SH3BP4: variants seen among roughly 807,000 people sequenced by gnomAD.
SH3BP4 encodes SH3 domain-binding protein 4.
A neutral mutation model predicts 65.5 loss-of-function variants in SH3BP4; 33 were observed. The ratio of observed to expected loss-of-function variants is 0.50; its 90% CI spans 0.38 to 0.67. The LOEUF (loss-of-function observed/expected upper bound fraction) is 0.67, where lower values mean the gene tolerates loss of function less well. Ranked by LOEUF, SH3BP4 falls within the 30% of genes least tolerant of loss-of-function variation. The probability of loss-of-function intolerance (pLI) is 0.00; values close to 1 mark genes in which losing one functional copy is unlikely to be tolerated. For missense variants in SH3BP4, 1,134 were observed against 1,261.4 expected (o/e 0.90, Z 1.53); for synonymous variants, 552 against 545.5 (o/e 1.01, Z -0.17).
Position 234,952,975 on chromosome 2 carries a change from C to T in SH3BP4, c.-207+805C>T, listed in dbSNP as rs1480861607. 1 of 152,110 alleles carries T rather than the reference C, an allele frequency of 6.6e-6. No individual in the cohort carries two copies. The highest frequency in any genetic ancestry group is 2.1e-4 in the South Asian group (1 of 4,826). 9.4% of individuals were successfully genotyped at this position (152,110 alleles called of 1,614,324 possible). A position where few individuals can be genotyped will look rare whatever the true frequency, so the allele number is the denominator to read the frequency against. ...GGGGTTGGGGACAGGCCCAGCTGGC[C>T]CTGACCGGGTGTCGGGCGCCCAGAG... On this transcript the variant is annotated intron_variant, in intron 1 of 5. Coordinates refer to ENST00000392011, the MANE Select transcript of SH3BP4 (RefSeq NM_014521.3). This position sits in a 1 kb window ranked among gnomAD's most constrained non-coding sequence, Gnocchi z 6.5.
chr2:235,024,628 A>T (rs1005601612), intron 2 of SH3BP4, among the ~76,000 whole-genome samples: 3 of 152,140 alleles, frequency 2.0e-5, no homozygotes, highest in Non-Finnish European at 4.4e-5. Context: ...AATAAAAGTG[A>T]GGCCTCAGTT....
intron 3 of SH3BP4, among the ~76,000 whole-genome samples, chr2:235,038,846 TA>T (rs1474315430): frequency 6.6e-6 from 1 of 152,044 alleles, no homozygotes; most frequent in Non-Finnish European, 1.5e-5. Flanking sequence ...TGTGGTGCTA[TA>T]TTTTGGGGTA....
chr2:235,044,811 G>T (rs561545601), intron 4 of SH3BP4, among the ~76,000 whole-genome samples: 198 of 152,346 alleles, frequency 1.3e-3, no homozygotes, highest in Non-Finnish European at 2.3e-3. Flanking sequence ...GCAGGAGTGG[G>T]GCAGGAGTCG....
intron 1 of SH3BP4, among the ~76,000 whole-genome samples, chr2:234,984,893 G>T (rs1156947825): frequency 6.6e-6 from 1 of 152,124 alleles, no homozygotes; most frequent in Non-Finnish European, 1.5e-5. Context: ...AAAGCTAATC[G>T]GGGGTCAGCT....
intron 1 of SH3BP4, among the ~76,000 whole-genome samples, chr2:234,989,062 C>CT (rs1255127414): frequency 1.3e-5 from 2 of 152,006 alleles, no homozygotes; most frequent in Non-Finnish European, 2.9e-5. Context: ...AGTAGAAAGG[C>CT]TTTTGTCCAT....
intron 2 of SH3BP4, among the ~76,000 whole-genome samples, chr2:235,028,624 A>T (rs60360195): frequency 0.21 from 31,364 of 152,054 alleles, 3,515 homozygotes; most frequent in East Asian, 0.45. Flanking sequence ...AGACAAACAG[A>T]TGGTCTTATG....
At chr2:235,040,809 G>GT (rs1695607151) in intron 3 of SH3BP4, 79 bp from the exon 4 acceptor site, 1 of 1,247,988 alleles carries the variant, frequency 8.0e-7, no homozygotes, top group African/African-American at 1.5e-5. Flanking sequence ...GTTTACCACC[G>GT]TCCTCTCTCC....
At chr2:235,001,547 T>C (rs1694100126) in intron 2 of SH3BP4, among the ~76,000 whole-genome samples, 1 of 152,250 alleles carries the variant, frequency 6.6e-6, no homozygotes, top group Non-Finnish European at 1.5e-5. Flanking sequence ...TGCTTTTCAT[T>C]AAGTACAGAT....
chr2:235,016,771 A>C (rs1682855971), intron 2 of SH3BP4, among the ~76,000 whole-genome samples: 1 of 152,202 alleles, frequency 6.6e-6, no homozygotes, highest in African/African-American at 2.4e-5. Context: ...GGCCTCCCGA[A>C]GTGCTGGGAT....
At position 235,033,131 on chromosome 2, in the gene SH3BP4, C is replaced by G. The variant is rs1478226663; in HGVS notation, c.-132-1740C>G. ...CTGCCGCTCCCCAGAGAGGTGGCCA[C>G]CATGCCCTCCTCTCCTGCCGCCTGC... is the stretch of plus-strand genomic sequence containing the variant. On this transcript the variant is annotated intron_variant, in intron 2 of 5. Coordinates refer to ENST00000392011, the MANE Select transcript of SH3BP4 (RefSeq NM_014521.3). This position sits in a 1 kb window ranked among gnomAD's most constrained non-coding sequence, Gnocchi z 5.7. 1.3e-5 allele frequency among the ~76,000 whole-genome samples: 2 copies of G among 152,156 alleles called. No individual in the cohort carries two copies. Among genetic ancestry groups the G allele is most frequent in the African/African-American group, 4.8e-5 (2 of 41,450 alleles).
At chr2:235,025,559 G>T (rs540669548) in intron 2 of SH3BP4, among the ~76,000 whole-genome samples, 48 of 152,314 alleles carry the variant, frequency 3.2e-4, no homozygotes, top group South Asian at 2.1e-3. Flanking sequence ...GGAGGCCCCC[G>T]CAGTCTGTGG....
Position 234,976,857 on chromosome 2 carries a change from G to A in SH3BP4, c.-206-18446G>A, listed in dbSNP as rs1283556910. On this transcript the variant is annotated intron_variant, in intron 1 of 5. Transcript: ENST00000392011. This position sits in a 1 kb window ranked among gnomAD's most constrained non-coding sequence, Gnocchi z 4.7. ...TGGGGAGATGCCCTAGCCAAGAGGA[G>A]CTTAAAGAGACACGACACCTAATGT... Among the ~76,000 whole-genome samples, 2 of 152,194 alleles carry A rather than the reference G, an allele frequency of 1.3e-5. No individual in the cohort carries two copies. Among genetic ancestry groups the A allele is most frequent in the Non-Finnish European group, 2.9e-5 (2 of 68,040 alleles).
chr2:234,981,152 TTTTTCTGTCCCGGGAGGA>T (rs1370132294), intron 1 of SH3BP4, among the ~76,000 whole-genome samples: 7 of 152,228 alleles, frequency 4.6e-5, no homozygotes, highest in Non-Finnish European at 8.8e-5. Flanking sequence ...CAATTCTGAA[TTTTTCTGTCCCGGGAGGA>T]TAATTTGCAG....
At chr2:234,966,707 T>C (rs1692847446) in intron 1 of SH3BP4, among the ~76,000 whole-genome samples, 1 of 152,254 alleles carries the variant, frequency 6.6e-6, no homozygotes, top group South Asian at 2.1e-4. Flanking sequence ...TGAGGATGCC[T>C]GTGACTTGGA....
At chr2:234,964,221 A>G (rs1692782930) in intron 1 of SH3BP4, among the ~76,000 whole-genome samples, 1 of 152,160 alleles carries the variant, frequency 6.6e-6, no homozygotes, top group African/African-American at 2.4e-5. Context: ...GAAACTGTCC[A>G]TGAGTTCTGG....
At position 235,035,095 on chromosome 2, in the gene SH3BP4, A is replaced by G. The variant is rs1695334170; in HGVS notation, c.93A>G (p.Ser31=). ...GTLIDLSEGF[S]ETSFNDIKVP... ...TGATTGACCTGAGCGAAGGGTTTTC[A>G]GAGACGAGCTTTAATGACATCAAAG... The change falls in exon 3 of 6, where the codon TCA becomes TCG. Residue 31 remains serine (S), a synonymous_variant. Coordinates refer to ENST00000392011, the MANE Select transcript of SH3BP4 (RefSeq NM_014521.3). The surrounding 1 kb of genome is among the most constrained non-coding windows in gnomAD (Gnocchi z 5.0). The G allele has an allele frequency of 6.2e-7, 1 of 1,613,954 alleles. No homozygotes were observed. The highest frequency in any genetic ancestry group is 1.7e-5 in the Admixed American group (1 of 60,024).
intron 3 of SH3BP4, among the ~76,000 whole-genome samples, chr2:235,038,366 A>ATATAGT (rs1248934629): frequency 2.5e-5 from 1 of 39,684 alleles, no homozygotes; most frequent in South Asian, 8.0e-4. Flanking sequence ...ATATATATAT[A>ATATAGT]ATATATATAC....
intron 1 of SH3BP4, among the ~76,000 whole-genome samples, chr2:234,988,127 C>T (rs2106265600): frequency 6.6e-6 from 1 of 152,182 alleles, no homozygotes; most frequent in South Asian, 2.1e-4. Context: ...TGGTGTAATC[C>T]CGCCTCACTG....
At chr2:234,996,972 A>C (rs1693942053) in intron 2 of SH3BP4, among the ~76,000 whole-genome samples, 1 of 152,032 alleles carries the variant, frequency 6.6e-6, no homozygotes. Context: ...CTGGGGCAGC[A>C]AGACATCTGG....
Sources: gnomAD v4.1 joint callset for allele counts (sites outside exome capture counted in the v4.1 genomes callset) on GRCh38, gnomAD v4.1.1 for gene constraint, Gnocchi (gnomAD v3.1) non-coding constraint, MANE v1.5 for transcripts, NCBI Gene and HGNC (gene_info 2026-07-23, HGNC 2026-07-21) for gene names.